SLC35F3: variants seen among roughly 807,000 people sequenced by gnomAD.
The protein encoded by SLC35F3 is solute carrier family 35 member F3.
Under a neutral mutation model 49.9 loss-of-function variants are expected in SLC35F3, and 25 were observed. The observed-to-expected ratio is 0.50, with a 90% CI of 0.37 to 0.70. SLC35F3 has a LOEUF of 0.70. Ranked by LOEUF, SLC35F3 falls within the 30% of genes least tolerant of loss-of-function variation. SLC35F3 has a pLI of 0.00. For missense variants in SLC35F3, 525 were observed against 639.8 expected, an observed-to-expected ratio of 0.82 and a Z score of 1.94; for synonymous variants, 275 against 265.4, an observed-to-expected ratio of 1.04 and a Z score of -0.35.
chr1:234,055,189 A>C (rs1480847475), intron 2 of SLC35F3, among the ~76,000 whole-genome samples: 2 of 152,122 alleles, frequency 1.3e-5, no homozygotes, highest in South Asian at 2.1e-4. Context: ...AGAGACGTTT[A>C]AGTCTGCAGA....
At chr1:233,993,713 C>G (rs1424054153) in intron 2 of SLC35F3, among the ~76,000 whole-genome samples, 1 of 152,132 alleles carries the variant, frequency 6.6e-6, no homozygotes, top group Non-Finnish European at 1.5e-5. Context: ...AGTCACTATT[C>G]TCAACAACAC....
intron 2 of SLC35F3, among the ~76,000 whole-genome samples, chr1:233,940,619 T>C (rs1264565923): frequency 6.6e-6 from 1 of 152,208 alleles, no homozygotes; most frequent in African/African-American, 2.4e-5. Flanking sequence ...AGCAGTAAGG[T>C]ATAATTTTGA....
At chr1:234,025,560 C>T (rs1403343216) in intron 2 of SLC35F3, among the ~76,000 whole-genome samples, 1 of 152,176 alleles carries the variant, frequency 6.6e-6, no homozygotes, top group Non-Finnish European at 1.5e-5. Context: ...TTGCATTGCT[C>T]TAATGAATAA....
chr1:233,977,160 G>C (rs1269229760), intron 2 of SLC35F3, among the ~76,000 whole-genome samples: 1 of 152,178 alleles, frequency 6.6e-6, no homozygotes, highest in Non-Finnish European at 1.5e-5. Context: ...TGAGAGTCAG[G>C]CTTCCATATT....
chr1:233,965,123 G>A (rs1479916349), intron 2 of SLC35F3, among the ~76,000 whole-genome samples: 1 of 152,138 alleles, frequency 6.6e-6, no homozygotes, highest in Non-Finnish European at 1.5e-5. Flanking sequence ...TTCAGACTCT[G>A]GGCCTGTGGT....
intron 2 of SLC35F3, among the ~76,000 whole-genome samples, chr1:234,112,722 A>ATTTTTTTTTTTT (rs1157248348): frequency 6.0e-5 from 2 of 33,562 alleles, no homozygotes; most frequent in Non-Finnish European, 4.9e-5. Flanking sequence ...TGCCCAGCTA[A>ATTTTTTTTTTTT]TTTTTTTTTT....
chr1:234,000,139 A>G (rs1012884831), intron 2 of SLC35F3, among the ~76,000 whole-genome samples: 1 of 152,194 alleles, frequency 6.6e-6, no homozygotes, highest in Non-Finnish European at 1.5e-5. Flanking sequence ...ACAGTGAATC[A>G]CAAGGGTTCT....
rs982550999 is a variant in SLC35F3 at position 234,312,842 on chromosome 1, GT to G, written c.828+3530del. ...GGCACCCCGCCACGTTTTGTTGTTT[GT>G]TTTTTTTAGGTTTTTTTGTTTGTTT... On this transcript the variant is annotated intron_variant, in intron 4 of 7. Coordinates refer to ENST00000366618, the MANE Select transcript of SLC35F3 (RefSeq NM_173508.4). Among the ~76,000 whole-genome samples, 38 of 148,286 alleles carry G rather than the reference GT, an allele frequency of 2.6e-4. 1 individual carries two copies. Among genetic ancestry groups the G allele is most frequent in the Non-Finnish European group, 1.5e-5 (1 of 67,518 alleles).
intron 3 of SLC35F3, among the ~76,000 whole-genome samples, chr1:234,299,642 A>G (rs1407997980): frequency 6.6e-6 from 1 of 151,918 alleles, no homozygotes; most frequent in East Asian, 1.9e-4. Context: ...CATCTCTACT[A>G]AAAATACAAA....
At chr1:233,935,925 C>G (rs1662319540) in intron 2 of SLC35F3, among the ~76,000 whole-genome samples, 1 of 152,174 alleles carries the variant, frequency 6.6e-6, no homozygotes. Flanking sequence ...TTCATATTAA[C>G]TCAGGAGTGC....
chr1:234,231,706 G>A lies in SLC35F3; in HGVS notation c.573G>A (p.Lys191=). 1 of 1,613,614 alleles carries A rather than the reference G, an allele frequency of 6.2e-7. No homozygotes were observed. The highest frequency in any genetic ancestry group is 8.5e-7 in the Non-Finnish European group (1 of 1,179,662). ...TGTACTACGTGGGGCACGTCTGCAA[G>A]TCCACAGAGAAGCAGTCTGTGAAGC... ...FPLYYVGHVC[K]STEKQSVKQR... The change falls in exon 3 of 8, where the codon AAG becomes AAA. Residue 191 remains lysine (K), a synonymous_variant. Transcript: ENST00000366618. The surrounding 1 kb of genome is among the most constrained non-coding windows in gnomAD (Gnocchi z 5.4).
chr1:234,028,721 G>T (rs1319583436), intron 2 of SLC35F3, among the ~76,000 whole-genome samples: 1 of 152,208 alleles, frequency 6.6e-6, no homozygotes, highest in African/African-American at 2.4e-5. Context: ...AGCTACAGGA[G>T]GTGGGATTCA....
At chr1:233,948,865 T>G (rs1247035022) in intron 2 of SLC35F3, among the ~76,000 whole-genome samples, 1 of 152,162 alleles carries the variant, frequency 6.6e-6, no homozygotes, top group Non-Finnish European at 1.5e-5. Context: ...GTTTCTATGA[T>G]AGACTTGCTT....
intron 2 of SLC35F3, among the ~76,000 whole-genome samples, chr1:233,983,178 C>T (rs1356844991): frequency 6.6e-6 from 1 of 151,314 alleles, no homozygotes; most frequent in Non-Finnish European, 1.5e-5. Context: ...CCCTCTGCCG[C>T]CCTCCCTCTC....
intron 2 of SLC35F3, among the ~76,000 whole-genome samples, chr1:234,030,199 G>A (rs182169924): frequency 8.4e-4 from 128 of 152,224 alleles, no homozygotes; most frequent in African/African-American, 2.8e-3. Context: ...GTTTCCCACA[G>A]AAACGGTGAC....
chr1:234,249,569 G>A (rs1667703070), intron 3 of SLC35F3, among the ~76,000 whole-genome samples: 1 of 152,158 alleles, frequency 6.6e-6, no homozygotes, highest in South Asian at 2.1e-4. Context: ...TCTGCTGTGG[G>A]TTGGGGCAGG....
At chr1:234,001,683 G>C (rs568699506) in intron 2 of SLC35F3, among the ~76,000 whole-genome samples, 1 of 151,924 alleles carries the variant, frequency 6.6e-6, no homozygotes, top group African/African-American at 2.4e-5. Flanking sequence ...TTATTTACAG[G>C]TTCTGCAGTT....
intron 2 of SLC35F3, among the ~76,000 whole-genome samples, chr1:234,036,415 T>G (rs7516956): frequency 0.13 from 19,668 of 152,198 alleles, 3,632 homozygotes; most frequent in African/African-American, 0.41. Flanking sequence ...CTTTGGATCT[T>G]TTTTCTTGGT....
chr1:234,007,584 C>T (rs898306599), intron 2 of SLC35F3, among the ~76,000 whole-genome samples: 2 of 152,200 alleles, frequency 1.3e-5, no homozygotes, highest in Non-Finnish European at 2.9e-5. Flanking sequence ...TTGGACCTTC[C>T]TCCTGTGACT....
Sources: gnomAD v4.1 joint callset for allele counts (sites outside exome capture counted in the v4.1 genomes callset) on GRCh38, gnomAD v4.1.1 for gene constraint, Gnocchi (gnomAD v3.1) non-coding constraint, MANE v1.5 for transcripts, NCBI Gene and HGNC (gene_info 2026-07-23, HGNC 2026-07-21) for gene names.